Variants in DLG1 observed in about 807,000 individuals in gnomAD.
DLG1 encodes discs large MAGUK scaffold protein 1.
A neutral mutation model predicts 123.4 loss-of-function variants in DLG1; 42 were observed. That is an observed-to-expected ratio of 0.34 (90% CI 0.27 to 0.44). The LOEUF (loss-of-function observed/expected upper bound fraction) is 0.44, where lower values mean the gene tolerates loss of function less well. Among genes scored for constraint, DLG1 ranks in the 20% least tolerant of loss-of-function variants. The pLI, the probability that DLG1 is intolerant of heterozygous loss-of-function variation, is 1.00. For missense variants in DLG1, 942 were observed against 1,082.6 expected, an observed-to-expected ratio of 0.87 and a Z score of 1.82; for synonymous variants, 317 against 356.2, an observed-to-expected ratio of 0.89 and a Z score of 1.24.
intron 5 of DLG1, among the ~76,000 whole-genome samples, chr3:197,186,420 C>A (rs1716027742): frequency 1.3e-5 from 2 of 152,320 alleles, no homozygotes; most frequent in South Asian, 4.1e-4. Flanking sequence ...TCACTATTAA[C>A]ATCTTAATAT....
intron 5 of DLG1, chr3:197,161,879 TATAA>T (rs1553971173): frequency 7.4e-6 from 4 of 539,712 alleles, no homozygotes; most frequent in Admixed American, 8.2e-5. Flanking sequence ...ATTACACTAA[TATAA>T]ATGAGAAAAT....
At position 197,169,299 on chromosome 3, in the gene DLG1, GA is replaced by G. The variant is rs1358484723; in HGVS notation, c.484-19504del. Among the ~76,000 whole-genome samples the G allele has an allele frequency of 4.6e-5, 7 of 152,294 alleles. No homozygotes were observed. The East Asian group carries it at 1.2e-3, about 25-fold the overall frequency. The stretch of plus-strand genomic sequence containing the variant: ...CAAGTGGTTTTCATTATGTGCATAT[GA>G]ACCCTGATTAATACAGGAAGAGACA... On this transcript the variant is annotated intron_variant, in intron 5 of 24. Transcript: ENST00000667157.
In DLG1 at chr3:197,297,028, T is replaced by C. The variant is rs975291923; in HGVS notation, c.19+158A>G. 6.5e-6 allele frequency: 5 copies of C among 771,486 alleles called. No individual in the cohort carries two copies. The Admixed American group carries it at 8.5e-5, about 13-fold the overall frequency. 47.8% of individuals were successfully genotyped at this position (771,486 alleles called of 1,614,324 possible). On this transcript the variant is annotated intron_variant, in intron 2 of 24. Transcript: ENST00000667157. Reference sequence around the variant, plus strand: ...TTTAACAAACATTTTCGTGTTTCCATCTTCTGAAATGATATGAGGCTTAGA... The same window carrying C: ...TTTAACAAACATTTTCGTGTTTCCACCTTCTGAAATGATATGAGGCTTAGA...
chr3:197,053,073 C>G (rs1011216493), intron 23 of DLG1, among the ~76,000 whole-genome samples: 7 of 152,122 alleles, frequency 4.6e-5, no homozygotes, highest in African/African-American at 1.7e-4. Flanking sequence ...TCAAAATAAT[C>G]TGGAATGAAG....
intron 17 of DLG1, among the ~76,000 whole-genome samples, chr3:197,080,238 A>G (rs1469598795): frequency 2.7e-5 from 4 of 149,062 alleles, no homozygotes; most frequent in African/African-American, 9.9e-5. Context: ...ACACTTCTAA[A>G]ATATATGATG....
At chr3:197,110,646 T>C (rs1013140520) in intron 13 of DLG1, among the ~76,000 whole-genome samples, 1 of 152,226 alleles carries the variant, frequency 6.6e-6, no homozygotes, top group Non-Finnish European at 1.5e-5. Flanking sequence ...AACTGTCCTC[T>C]TATCTACGCT....
rs1741730922 is a variant in DLG1 at position 197,069,069 on chromosome 3, C to T, written c.2047+150G>A. On this transcript the variant is annotated intron_variant, in intron 19 of 24. Transcript: ENST00000667157. Reference sequence around the variant, plus strand: ...ACATATATAGTATGATTTTATTTTTCAAGTACAGAATTTTACTTGTCTCTC... The same window carrying T: ...ACATATATAGTATGATTTTATTTTTTAAGTACAGAATTTTACTTGTCTCTC... 1.1e-5 allele frequency: 5 copies of T among 454,852 alleles called. No homozygotes were observed. In the Admixed American group the frequency reaches 2.1e-4, roughly 19 times the overall value. 28.2% of individuals were successfully genotyped at this position (454,852 alleles called of 1,614,324 possible).
intron 13 of DLG1, among the ~76,000 whole-genome samples, chr3:197,113,118 T>A (rs992387448): frequency 2.0e-5 from 3 of 152,220 alleles, no homozygotes; most frequent in African/African-American, 7.2e-5. Flanking sequence ...GATATCTAGG[T>A]ATTATAGCAC....
chr3:197,152,630 G>A (rs1438089669), intron 5 of DLG1, among the ~76,000 whole-genome samples: 2 of 151,644 alleles, frequency 1.3e-5, no homozygotes, highest in South Asian at 4.2e-4. Context: ...GGGCTTCGTG[G>A]CAGGCGCCTG....
intron 24 of DLG1, among the ~76,000 whole-genome samples, chr3:197,048,385 C>T (rs1296837192): frequency 1.3e-5 from 2 of 152,150 alleles, no homozygotes; most frequent in Non-Finnish European, 2.9e-5. Context: ...GCATGAGAAT[C>T]GCTTGAACCC....
intron 4 of DLG1, among the ~76,000 whole-genome samples, chr3:197,277,781 AACTC>A (rs1028021342): frequency 6.6e-6 from 1 of 152,116 alleles, no homozygotes; most frequent in Non-Finnish European, 1.5e-5. Flanking sequence ...CTCTAAAACT[AACTC>A]ACTCTTATTT....
At chr3:197,103,172 G>A (rs892040530) in intron 14 of DLG1, among the ~76,000 whole-genome samples, 2 of 152,160 alleles carry the variant, frequency 1.3e-5, no homozygotes, top group African/African-American at 4.8e-5. Flanking sequence ...GACCTCAGCT[G>A]CTTAAGGAGT....
Position 197,210,331 on chromosome 3 carries a change from A to C in DLG1, c.319-15742T>G, listed in dbSNP as rs561008827. Reference sequence around the variant, plus strand: ...AAGGCAGAAATCAATGAAACAGAAAACAAAGAATTGAGTATATTAACAAAG... The same window carrying C: ...AAGGCAGAAATCAATGAAACAGAAACCAAAGAATTGAGTATATTAACAAAG... On this transcript the variant is annotated intron_variant, in intron 4 of 24. Transcript: ENST00000667157. Among the ~76,000 whole-genome samples the C allele has an allele frequency of 4.8e-5, 7 of 145,488 alleles. No individual in the cohort carries two copies. In the East Asian group the frequency reaches 1.2e-3, roughly 24 times the overall value.
At chr3:197,159,888 T>G (rs556172684) in intron 5 of DLG1, among the ~76,000 whole-genome samples, 2 of 152,276 alleles carry the variant, frequency 1.3e-5, no homozygotes, top group East Asian at 3.9e-4. Flanking sequence ...AAACAAAACT[T>G]GTTCCTTAGT....
chr3:197,206,925 C>T (rs191867269), intron 4 of DLG1, among the ~76,000 whole-genome samples: 3 of 152,186 alleles, frequency 2.0e-5, no homozygotes, highest in African/African-American at 2.4e-5. Flanking sequence ...ATATAGATAT[C>T]GATTGCTTTC....
chr3:197,079,808 A>G (rs140069530), intron 17 of DLG1, among the ~76,000 whole-genome samples: 218 of 152,270 alleles, frequency 1.4e-3, no homozygotes, highest in African/African-American at 5.1e-3. Context: ...ATTTCTAAAA[A>G]ATGGAATGTA....
intron 18 of DLG1, among the ~76,000 whole-genome samples, chr3:197,073,800 T>C (rs1313828973): frequency 2.0e-5 from 3 of 151,958 alleles, no homozygotes; most frequent in African/African-American, 7.3e-5. Context: ...ACAGCAGATA[T>C]ACATTTTTTT....
chr3:197,164,739 TA>T (rs145314765), intron 5 of DLG1, among the ~76,000 whole-genome samples: 141 of 130,646 alleles, frequency 1.1e-3, no homozygotes, highest in African/African-American at 2.1e-3. Flanking sequence ...CCGTCTCTAC[TA>T]AAAAAAAAAA....
At chr3:197,207,646 T>C (rs1264249414) in intron 4 of DLG1, among the ~76,000 whole-genome samples, 2 of 152,166 alleles carry the variant, frequency 1.3e-5, no homozygotes, top group African/African-American at 2.4e-5. Context: ...TTGATTAATA[T>C]ATGGTATTAC....
Sources: gnomAD v4.1 joint callset for allele counts (sites outside exome capture counted in the v4.1 genomes callset) on GRCh38, gnomAD v4.1.1 for gene constraint, MANE v1.5 for transcripts, NCBI Gene and HGNC (gene_info 2026-07-23, HGNC 2026-07-21) for gene names.